SCN8A: variants seen among roughly 807,000 people sequenced by gnomAD.
SCN8A encodes the protein sodium voltage-gated channel alpha subunit 8, also known as sodium channel protein type 8 subunit alpha.
In SCN8A, 30 loss-of-function variants were observed where a neutral mutation model predicts 184.1. The observed-to-expected ratio is 0.16, with a 90% CI of 0.12 to 0.22. The LOEUF (loss-of-function observed/expected upper bound fraction) is 0.22, where lower values mean the gene tolerates loss of function less well. Ranked by LOEUF, SCN8A falls within the 10% of genes least tolerant of loss-of-function variation. The pLI, the probability that SCN8A is intolerant of heterozygous loss-of-function variation, is 1.00. For synonymous variants in SCN8A, 852 were observed against 907.0 expected (o/e 0.94, Z 1.09); for missense variants, 1,057 against 2,498.9 (o/e 0.42, Z 12.30).
At chr12:51,609,367 C>T (rs150862768) in intron 1 of SCN8A, among the ~76,000 whole-genome samples, 11 of 152,282 alleles carry the variant, frequency 7.2e-5, no homozygotes, top group African/African-American at 2.6e-4. Flanking sequence ...TCTTGATGAC[C>T]TGTGTAGTGC....
chr12:51,629,662 A>G (rs1313431718), intron 1 of SCN8A, among the ~76,000 whole-genome samples: 1 of 151,004 alleles, frequency 6.6e-6, no homozygotes, highest in Non-Finnish European at 1.5e-5. Flanking sequence ...GTTTCCTTCC[A>G]ATTCAGGGAG....
At chr12:51,743,723 G>T (rs1046613492) in intron 12 of SCN8A, among the ~76,000 whole-genome samples, 1 of 152,230 alleles carries the variant, frequency 6.6e-6, no homozygotes, top group African/African-American at 2.4e-5. Context: ...TAGTCAGCAG[G>T]TGGTGAAGCC....
At chr12:51,602,047 C>T (rs1268303174) in intron 1 of SCN8A, among the ~76,000 whole-genome samples, 1 of 151,790 alleles carries the variant, frequency 6.6e-6, no homozygotes, top group East Asian at 1.9e-4. Context: ...GTGGTCAGGC[C>T]TTTCCAGTTT....
intron 1 of SCN8A, among the ~76,000 whole-genome samples, chr12:51,593,250 C>G (rs949984324): frequency 3.9e-5 from 6 of 152,084 alleles, no homozygotes; most frequent in Non-Finnish European, 8.8e-5. Flanking sequence ...GAGGTCCTCC[C>G]TGGAGAGGGC....
intron 26 of SCN8A, among the ~76,000 whole-genome samples, chr12:51,802,497 C>G (rs1224683037): frequency 6.6e-6 from 1 of 152,220 alleles, no homozygotes; most frequent in Non-Finnish European, 1.5e-5. Context: ...ACGCATGCAC[C>G]TTTCCTTGCA....
chr12:51,601,706 G>T (rs1481524480), intron 1 of SCN8A, among the ~76,000 whole-genome samples: 1 of 150,302 alleles, frequency 6.7e-6, no homozygotes, highest in African/African-American at 2.5e-5. Flanking sequence ...CTAGCCAGTT[G>T]CCTTGTCTTT....
intron 1 of SCN8A, among the ~76,000 whole-genome samples, chr12:51,633,321 C>A (rs556592778): frequency 6.6e-6 from 1 of 152,312 alleles, no homozygotes; most frequent in East Asian, 1.9e-4. Flanking sequence ...AATCTCTTAT[C>A]TAGATTCCCT....
intron 26 of SCN8A, among the ~76,000 whole-genome samples, chr12:51,797,019 A>C (rs1340895176): frequency 5.9e-5 from 9 of 152,176 alleles, no homozygotes; most frequent in Admixed American, 5.9e-4. Flanking sequence ...CAAAAACTGC[A>C]ATTACTTTTG....
chr12:51,627,964 A>C (rs1177986216), intron 1 of SCN8A, among the ~76,000 whole-genome samples: 1 of 152,218 alleles, frequency 6.6e-6, no homozygotes, highest in Admixed American at 6.5e-5. Context: ...GAACATCCAA[A>C]TAAAACCTTT....
chr12:51,807,709 A>C lies in SCN8A; in HGVS notation c.*280A>C, dbSNP rs1261554778. 2.3e-6 allele frequency: 1 copy of C among 443,210 alleles called. No individual in the cohort carries two copies. Among genetic ancestry groups the C allele is most frequent in the African/African-American group, 2.0e-5 (1 of 51,038 alleles). The allele number at this position is 443,210 out of a possible 1,614,324, so 27.5% of individuals were successfully genotyped here. A position where few individuals can be genotyped will look rare whatever the true frequency, so the allele number is the denominator to read the frequency against. On this transcript the variant is annotated 3_prime_UTR_variant, in exon 27 of 27. Coordinates refer to ENST00000627620, the MANE Select transcript of SCN8A (RefSeq NM_001330260.2). The surrounding 1 kb of genome is among the most constrained non-coding windows in gnomAD (Gnocchi z 4.5). ...AATGCAACTTAGGACAAAACTAACC[A>C]GATACAGAAACAGAAGAGAGGCTGC...
chr12:51,765,130 A>T (rs1386473237), intron 15 of SCN8A, among the ~76,000 whole-genome samples: 2 of 151,906 alleles, frequency 1.3e-5, no homozygotes, highest in Non-Finnish European at 2.9e-5. Flanking sequence ...CCTGTTTGAG[A>T]GTTGTGCTTT....
At chr12:51,673,489 A>G (rs1454371108) in intron 2 of SCN8A, among the ~76,000 whole-genome samples, 1 of 152,236 alleles carries the variant, frequency 6.6e-6, no homozygotes, top group Non-Finnish European at 1.5e-5. Context: ...AGACTTTTCA[A>G]ACTAAAATTA....
At chr12:51,619,897 G>C (rs1939923983) in intron 1 of SCN8A, among the ~76,000 whole-genome samples, 1 of 152,174 alleles carries the variant, frequency 6.6e-6, no homozygotes, top group African/African-American at 2.4e-5. Context: ...TCTATCATGT[G>C]TTCTCACCTA....
At chr12:51,749,480 T>G (rs1942563546) in intron 13 of SCN8A, among the ~76,000 whole-genome samples, 1 of 152,182 alleles carries the variant, frequency 6.6e-6, no homozygotes, top group East Asian at 1.9e-4. Context: ...AATTTCCAAA[T>G]ATGTACTGTA....
chr12:51,702,045 C>T (rs987770866), intron 8 of SCN8A, among the ~76,000 whole-genome samples: 1 of 152,030 alleles, frequency 6.6e-6, no homozygotes, highest in South Asian at 2.1e-4. Context: ...AACTTCTGGC[C>T]AGGCGCGGTG....
At chr12:51,612,238 T>C (rs1939736816) in intron 1 of SCN8A, among the ~76,000 whole-genome samples, 1 of 152,224 alleles carries the variant, frequency 6.6e-6, no homozygotes, top group African/African-American at 2.4e-5. Flanking sequence ...CGCAGCTCAC[T>C]GCAACCTCTA....
intron 1 of SCN8A, among the ~76,000 whole-genome samples, chr12:51,638,668 G>T (rs1940372822): frequency 6.6e-6 from 1 of 151,844 alleles, no homozygotes; most frequent in Admixed American, 6.6e-5. Flanking sequence ...TGTATTTTTA[G>T]TAGAGACGGG....
chr12:51,765,258 G>A (rs1942820679), intron 15 of SCN8A, among the ~76,000 whole-genome samples: 1 of 151,758 alleles, frequency 6.6e-6, no homozygotes, highest in Admixed American at 6.6e-5. Flanking sequence ...TTAAGGAGAT[G>A]GATTTTTTTT....
chr12:51,778,763 T>C (rs1436735028), intron 20 of SCN8A, among the ~76,000 whole-genome samples: 1 of 152,144 alleles, frequency 6.6e-6, no homozygotes, highest in Non-Finnish European at 1.5e-5. Context: ...ATGAAACTAA[T>C]TTGTAGATTG....
Sources: allele counts gnomAD v4.1 joint callset (sites outside exome capture counted in the v4.1 genomes callset), GRCh38; gene constraint gnomAD v4.1.1; non-coding constraint Gnocchi (gnomAD v3.1); transcripts MANE v1.5; gene names NCBI Gene and HGNC (gene_info 2026-07-23, HGNC 2026-07-21).